The following KLF12 variants were observed in gnomAD, a reference collection of about 807,000 sequenced individuals.
KLF12 encodes Krueppel-like factor 12.
Under a neutral mutation model 37.8 loss-of-function variants are expected in KLF12, and 9 were observed. The observed-to-expected ratio is 0.24, with a 90% CI of 0.14 to 0.42. The LOEUF (loss-of-function observed/expected upper bound fraction) is 0.42, where lower values mean the gene tolerates loss of function less well. Ranked by LOEUF, KLF12 falls within the 10% of genes least tolerant of loss-of-function variation. The pLI is 1.00. For synonymous variants in KLF12, 208 were observed against 202.1 expected (o/e 1.03, Z -0.25); for missense variants, 411 against 516.0 (o/e 0.80, Z 1.97).
At chr13:74,115,158 CAAT>C (rs1877216585) in intron 1 of KLF12, among the ~76,000 whole-genome samples, 1 of 152,126 alleles carries the variant, frequency 6.6e-6, no homozygotes, top group Non-Finnish European at 1.5e-5. Context: ...ACTTTCTGTA[CAAT>C]TATTTTTTAT....
intron 1 of KLF12, among the ~76,000 whole-genome samples, chr13:74,028,101 C>A (rs537046689): frequency 6.6e-6 from 1 of 152,306 alleles, no homozygotes; most frequent in African/African-American, 2.4e-5. Flanking sequence ...GCAATACCAA[C>A]TATCAGAACT....
the KLF12 span, among the ~76,000 whole-genome samples, chr13:74,167,978 T>C: frequency 6.6e-6 from 1 of 152,228 alleles, no homozygotes; most frequent in African/African-American, 2.4e-5. Flanking sequence ...AATCCTTATA[T>C]TGTTCCCAAC....
intron 1 of KLF12, among the ~76,000 whole-genome samples, chr13:74,032,973 C>G (rs1893151819): frequency 6.6e-6 from 1 of 152,058 alleles, no homozygotes; most frequent in Non-Finnish European, 1.5e-5. Flanking sequence ...TAACAGCTAC[C>G]TCCACAAACG....
rs534815681 is a variant in KLF12, at chr13:73,867,603, A to AG, written c.124-21231dup. Among the ~76,000 whole-genome samples the AG allele has an allele frequency of 8.8e-4, 22 of 25,114 alleles. No homozygotes were observed. In the East Asian group the frequency reaches 0.027, roughly 30 times the overall value. 16.5% of individuals were successfully genotyped at this position (25,114 alleles called of 152,430 possible). On this transcript the variant is annotated intron_variant, in intron 3 of 7. Transcript: ENST00000377669. ...AAAAGTTAGCAGGGCTATAGAAGAC[A>AG]GGGGGAAAAAAAAATTAACAAACTT...
chr13:73,846,738 G>C (rs1247848589), intron 3 of KLF12, among the ~76,000 whole-genome samples: 1 of 152,120 alleles, frequency 6.6e-6, no homozygotes, highest in African/African-American at 2.4e-5. Flanking sequence ...GGCAACAATA[G>C]TGGGAAAACT....
chr13:74,143,147 C>G, the KLF12 span, among the ~76,000 whole-genome samples: 19 of 151,194 alleles, frequency 1.3e-4, no homozygotes, highest in African/African-American at 4.4e-4. Context: ...ATTCCGTCTT[C>G]TTCTCCTTCC....
chr13:73,810,962 TA>T (rs374095564), intron 5 of KLF12, among the ~76,000 whole-genome samples: 1 of 147,008 alleles, frequency 6.8e-6, no homozygotes, highest in East Asian at 2.0e-4. Context: ...AAACAATGTT[TA>T]TTTTTTTAAT....
In KLF12 at chr13:74,096,960, A is replaced by G. The variant is rs367772389; in HGVS notation, c.-32+36779T>C. On this transcript the variant is annotated intron_variant, in intron 1 of 7. Transcript: ENST00000377669. Reference sequence around the variant, plus strand: ...AAAGCCTGGATTTGTTAGAAACATCAGGTCAGACACTTCCAAGTTCAAATT... The same window carrying G: ...AAAGCCTGGATTTGTTAGAAACATCGGGTCAGACACTTCCAAGTTCAAATT... Among the ~76,000 whole-genome samples, 13 of 152,318 alleles carry G rather than the reference A, an allele frequency of 8.5e-5. No individual in the cohort carries two copies. In the East Asian group the frequency reaches 1.7e-3, roughly 20 times the overall value.
intron 1 of KLF12, among the ~76,000 whole-genome samples, chr13:74,051,895 C>T (rs923114479): frequency 6.6e-6 from 1 of 152,084 alleles, no homozygotes; most frequent in Non-Finnish European, 1.5e-5. Flanking sequence ...TGAATGTTCT[C>T]CACAAAGAAA....
At chr13:73,734,826 G>A (rs190821510) in intron 6 of KLF12, among the ~76,000 whole-genome samples, 11 of 152,188 alleles carry the variant, frequency 7.2e-5, no homozygotes, top group South Asian at 2.1e-4. Context: ...TAAGGCTCAC[G>A]AAAGGTACAC....
chr13:73,831,799 A>G (rs1884176847), intron 4 of KLF12, among the ~76,000 whole-genome samples: 1 of 152,232 alleles, frequency 6.6e-6, no homozygotes, highest in Non-Finnish European at 1.5e-5. Flanking sequence ...TGGTAAAGCA[A>G]AATCAGTAGA....
intron 3 of KLF12, among the ~76,000 whole-genome samples, chr13:73,921,780 A>G (rs985266574): frequency 2.0e-5 from 3 of 152,168 alleles, no homozygotes; most frequent in Admixed American, 6.5e-5. Context: ...TGCTTAACCC[A>G]TATCTTTCTA....
chr13:73,971,002 C>G (rs1223025900), intron 2 of KLF12, among the ~76,000 whole-genome samples: 1 of 151,984 alleles, frequency 6.6e-6, no homozygotes, highest in African/African-American at 2.4e-5. Context: ...CTTTGAAAAA[C>G]AGAAAAGTTG....
rs181835539 is a variant in KLF12 at position 74,075,772 on chromosome 13, T to C, written c.-32+57967A>G. On this transcript the variant is annotated intron_variant, in intron 1 of 7. Coordinates refer to ENST00000377669, the MANE Select transcript of KLF12 (RefSeq NM_007249.5). ...AAAAAGTGGAAAAACAGTAAGACAC[T>C]GATATAACAACAACAAAAAGCCATA... is the stretch of plus-strand genomic sequence containing the variant. Among the ~76,000 whole-genome samples the C allele has an allele frequency of 9.8e-5, 15 of 152,292 alleles. No individual in the cohort carries two copies. The East Asian group carries it at 2.5e-3, about 25-fold the overall frequency.
At chr13:73,964,228 C>T (rs923593926) in intron 2 of KLF12, among the ~76,000 whole-genome samples, 18 of 152,162 alleles carry the variant, frequency 1.2e-4, no homozygotes, top group African/African-American at 4.1e-4. Flanking sequence ...CACACCCACA[C>T]CAACTACAGC....
chr13:74,246,175 C>G, the KLF12 span, among the ~76,000 whole-genome samples: 1 of 152,166 alleles, frequency 6.6e-6, no homozygotes. Context: ...AGATCGGCTT[C>G]TGTTAAAAGT....
intron 1 of KLF12, among the ~76,000 whole-genome samples, chr13:74,003,055 G>A (rs1217248585): frequency 1.3e-5 from 2 of 152,182 alleles, no homozygotes; most frequent in Admixed American, 1.3e-4. Flanking sequence ...AAGAACCATA[G>A]TTATTCCAGG....
At chr13:74,260,490 G>T in the KLF12 span, among the ~76,000 whole-genome samples, 4 of 151,170 alleles carry the variant, frequency 2.6e-5, no homozygotes, top group African/African-American at 9.8e-5. Context: ...GGAGTTCGAG[G>T]TTATAGTGAG....
chr13:73,711,980 T>C (rs1431390298), intron 7 of KLF12, among the ~76,000 whole-genome samples: 2 of 152,120 alleles, frequency 1.3e-5, no homozygotes, highest in African/African-American at 4.8e-5. Context: ...TCGATGACTT[T>C]GAGGGATTCA....
Sources: gnomAD v4.1 joint callset for allele counts (sites outside exome capture counted in the v4.1 genomes callset) on GRCh38, gnomAD v4.1.1 for gene constraint, MANE v1.5 for transcripts, NCBI Gene and HGNC (gene_info 2026-07-23, HGNC 2026-07-21) for gene names.